The following KCNMB3 variants were observed in gnomAD, a reference collection of about 807,000 sequenced individuals.
The protein encoded by KCNMB3 is calcium-activated potassium channel subunit beta-3.
Under a neutral mutation model 11.9 loss-of-function variants are expected in KCNMB3, and 18 were observed. The observed-to-expected ratio is 1.51, with a 90% CI of 1.04 to 2.23. The LOEUF is 2.23. Among genes scored for constraint, KCNMB3 ranks in the 30% most tolerant of loss-of-function variants. The probability of loss-of-function intolerance (pLI) is 0.00; values close to 1 mark genes in which losing one functional copy is unlikely to be tolerated. For synonymous variants in KCNMB3, 78 were observed against 119.2 expected (o/e 0.65, Z 2.25); for missense variants, 247 against 329.4 (o/e 0.75, Z 1.94).
intron 1 of KCNMB3, chr3:179,260,142 T>A: frequency 1.2e-6 from 2 of 1,608,224 alleles, no homozygotes; most frequent in Non-Finnish European, 1.7e-6. Context: ...TGTGTCTGCC[T>A]GCTCTCCAAC....
At chr3:179,259,919 T>C in intron 1 of KCNMB3, 2 of 1,613,448 alleles carry the variant, frequency 1.2e-6, no homozygotes, top group South Asian at 2.2e-5. Flanking sequence ...TCTCATCCCT[T>C]AATCCTTTTT....
chr3:179,240,470 G>C (rs1725427298), downstream of KCNMB3: 2 of 154,592 alleles, frequency 1.3e-5, no homozygotes, highest in Admixed American at 1.3e-4. Context: ...TCAGAACCTA[G>C]AAATGAAGTT....
At chr3:179,266,712 A>G (rs748645825) in exon 1 of KCNMB3, 2 of 1,613,956 alleles carry the variant, frequency 1.2e-6, no homozygotes, top group South Asian at 1.1e-5. Flanking sequence ...GGGCTGCATG[A>G]GGCCAGGGGT....
upstream of KCNMB3, chr3:179,251,422 C>A (rs1316822441): frequency 3.5e-6 from 5 of 1,425,408 alleles, no homozygotes; most frequent in African/African-American, 7.2e-5. Context: ...ATATCCACCA[C>A]CAGAATTTCT....
At chr3:179,255,437 T>A (rs1451584878), upstream of KCNMB3, among the ~76,000 whole-genome samples, 2 of 152,094 alleles carry the variant, frequency 1.3e-5, no homozygotes, top group East Asian at 1.9e-4. Context: ...TAATTGAAAG[T>A]AAAAATTTAA....
chr3:179,259,066 C>T, intron 1 of KCNMB3: 1 of 1,610,224 alleles, frequency 6.2e-7, no homozygotes, highest in South Asian at 1.1e-5. Context: ...TCGTTCCCTC[C>T]TCTGGTATCT....
chr3:179,250,679 T>C, intron 1 of KCNMB3, 64 bp downstream of exon 1: 4 of 1,535,980 alleles, frequency 2.6e-6, no homozygotes, highest in Non-Finnish European at 3.6e-6. Context: ...CCTCTCCTCC[T>C]TTACCGCTGT....
At chr3:179,250,682 A>T in intron 1 of KCNMB3, 61 bp downstream of exon 1, 1 of 1,537,596 alleles carries the variant, frequency 6.5e-7, no homozygotes, top group Non-Finnish European at 8.9e-7. Context: ...CTCCTCCTTT[A>T]CCGCTGTGCC....
chr3:179,249,791 C>T (rs946376227), intron 1 of KCNMB3, among the ~76,000 whole-genome samples: 2 of 152,162 alleles, frequency 1.3e-5, no homozygotes, highest in African/African-American at 2.4e-5. Flanking sequence ...AACAGAGAAC[C>T]AAACACTGAA....
intron 1 of KCNMB3, chr3:179,261,169 C>A: frequency 7.5e-7 from 1 of 1,335,440 alleles, no homozygotes; most frequent in Non-Finnish European, 1.0e-6. Flanking sequence ...CACGAGCCTC[C>A]GCGCGGGCCT....
upstream of KCNMB3, among the ~76,000 whole-genome samples, chr3:179,254,635 AC>A (rs1272773972): frequency 6.6e-6 from 1 of 151,974 alleles, no homozygotes; most frequent in African/African-American, 2.4e-5. Flanking sequence ...ATGGTGAGAA[AC>A]CCTATCTCTA....
chr3:179,251,324 A>T, upstream of KCNMB3: 1 of 1,440,704 alleles, frequency 6.9e-7, no homozygotes, highest in Non-Finnish European at 9.1e-7. Flanking sequence ...ACATGGAAAG[A>T]ATGACTCAAA....
chr3:179,240,938 C>A (rs1725439417), downstream of KCNMB3: 1 of 152,154 alleles, frequency 6.6e-6, no homozygotes, highest in Non-Finnish European at 1.5e-5. Flanking sequence ...TACTTACATA[C>A]TTTATTACAG....
In KCNMB3 at chr3:179,243,081, C is replaced by G. The variant is rs1560153797; in HGVS notation, c.651G>C (p.Leu217=). The G allele has an allele frequency of 6.4e-7, 1 of 1,565,192 alleles. No homozygotes were observed. The highest frequency in any genetic ancestry group is 2.2e-5 in the East Asian group (1 of 44,548). ...FHCLFWPSLT[L]LGGALIVGMV... Reference sequence around the variant, plus strand: ...TGCCAACAATCAGGGCACCACCTAGCAGAGTCAGTGAAGGCCAAAATAAAC... The same window carrying G: ...TGCCAACAATCAGGGCACCACCTAGGAGAGTCAGTGAAGGCCAAAATAAAC... Residue 217 remains leucine, a synonymous_variant, in exon 3 of 3, where the codon CTG becomes CTC. Coordinates refer to ENST00000392685, the MANE Select transcript of KCNMB3 (RefSeq NM_171830.2).
intron 1 of KCNMB3, among the ~76,000 whole-genome samples, chr3:179,262,285 A>C (rs1726238722): frequency 6.6e-6 from 1 of 152,218 alleles, no homozygotes; most frequent in Non-Finnish European, 1.5e-5. Flanking sequence ...CATTTATGAA[A>C]CTGTGTCCGG....
chr3:179,254,207 T>G (rs771047280), upstream of KCNMB3, among the ~76,000 whole-genome samples: 1 of 152,144 alleles, frequency 6.6e-6, no homozygotes, highest in African/African-American at 2.4e-5. Context: ...CAGTGTCAGG[T>G]TGAACTGGAA....
upstream of KCNMB3, among the ~76,000 whole-genome samples, chr3:179,254,446 T>C (rs1449745970): frequency 1.3e-5 from 2 of 152,242 alleles, 1 homozygote; most frequent in African/African-American, 4.8e-5. Context: ...AAGTAGGTAG[T>C]GCCCTCTGCA....
intron 1 of KCNMB3, among the ~76,000 whole-genome samples, chr3:179,263,800 C>CTTTTTTTTTTTTTTTTTTTTT (rs60270913): frequency 3.3e-5 from 2 of 59,976 alleles, no homozygotes; most frequent in African/African-American, 1.4e-4. Flanking sequence ...TTTTTCTTTT[C>CTTTTTTTTTTTTTTTTTTTTT]TTTTTTTTTT....
chr3:179,265,718 A>G (rs544551112), intron 1 of KCNMB3, among the ~76,000 whole-genome samples: 182 of 152,306 alleles, frequency 1.2e-3, no homozygotes, highest in Middle Eastern at 3.4e-3. Flanking sequence ...TCGGCCTCCC[A>G]AAGTGCTGGG....
Sources: gnomAD v4.1 joint callset for allele counts (sites outside exome capture counted in the v4.1 genomes callset) on GRCh38, gnomAD v4.1.1 for gene constraint, MANE v1.5 for transcripts, NCBI Gene and HGNC (gene_info 2026-07-23, HGNC 2026-07-21) for gene names.